The following ME3 variants were observed in gnomAD, a reference collection of about 807,000 sequenced individuals.
The protein encoded by ME3 is malic enzyme 3, also known as NADP-dependent malic enzyme, mitochondrial.
In ME3, 48 loss-of-function variants were observed where a neutral mutation model predicts 68.9. The observed-to-expected ratio is 0.70, with a 90% CI of 0.55 to 0.89. The LOEUF (loss-of-function observed/expected upper bound fraction) is 0.89. Among genes scored for constraint, ME3 ranks in the 40% least tolerant of loss-of-function variants. ME3 has a pLI of 0.00. For synonymous variants in ME3, 320 were observed against 318.8 expected (o/e 1.00, Z -0.04); for missense variants, 675 against 797.4 (o/e 0.85, Z 1.85).
intron 2 of ME3, among the ~76,000 whole-genome samples, chr11:86,590,445 G>A (rs1470307277): frequency 1.3e-5 from 2 of 152,186 alleles, no homozygotes; most frequent in Admixed American, 6.5e-5. Context: ...ATCTCCCTGC[G>A]GGCTGGGAGG....
intron 2 of ME3, among the ~76,000 whole-genome samples, chr11:86,597,646 A>C (rs929835376): frequency 4.6e-5 from 7 of 152,186 alleles, no homozygotes; most frequent in Non-Finnish European, 8.8e-5. Context: ...GCAAGAAAGT[A>C]TATCTTGCTA....
intron 7 of ME3, among the ~76,000 whole-genome samples, chr11:86,479,559 G>A (rs1005886249): frequency 6.6e-6 from 1 of 152,032 alleles, no homozygotes; most frequent in Admixed American, 6.6e-5. Flanking sequence ...CTTTTCCTGT[G>A]TTCTTGCTTT....
intron 2 of ME3, among the ~76,000 whole-genome samples, chr11:86,656,639 C>A (rs1945897549): frequency 6.6e-6 from 1 of 151,454 alleles, no homozygotes; most frequent in South Asian, 2.1e-4. Flanking sequence ...AGGAGATATA[C>A]CTAATGTTAA....
intron 3 of ME3, among the ~76,000 whole-genome samples, chr11:86,559,264 C>A (rs1594443212): frequency 1.3e-5 from 2 of 152,096 alleles, no homozygotes; most frequent in Admixed American, 1.3e-4. Flanking sequence ...CACCACGTCC[C>A]CCTAATTCCA....
chr11:86,457,889 T>A, intron 8 of ME3: 1 of 1,024,106 alleles, frequency 9.8e-7, no homozygotes, highest in South Asian at 1.8e-5. Flanking sequence ...GAAAATGTAG[T>A]TTCTGCTTTT....
intron 5 of ME3, among the ~76,000 whole-genome samples, chr11:86,499,586 G>C (rs1244132444): frequency 1.3e-5 from 2 of 152,186 alleles, no homozygotes; most frequent in Non-Finnish European, 2.9e-5. Flanking sequence ...TACCCAAAGG[G>C]CTACGGGATC....
At chr11:86,536,254 G>C (rs1389115827) in intron 4 of ME3, among the ~76,000 whole-genome samples, 1 of 151,650 alleles carries the variant, frequency 6.6e-6, no homozygotes, top group Non-Finnish European at 1.5e-5. Context: ...AACACCAAAA[G>C]CAATGGCAAC....
intron 5 of ME3, among the ~76,000 whole-genome samples, chr11:86,501,704 C>T (rs980159639): frequency 6.6e-6 from 1 of 152,220 alleles, no homozygotes; most frequent in Admixed American, 6.5e-5. Context: ...CTCTGTTACC[C>T]TGTATCTTCC....
At chr11:86,593,829 T>C (rs1959174133) in intron 2 of ME3, among the ~76,000 whole-genome samples, 1 of 146,814 alleles carries the variant, frequency 6.8e-6, no homozygotes, top group Admixed American at 7.3e-5. Flanking sequence ...CCTAAAATGT[T>C]ATTAAAAAAC....
At chr11:86,531,795 G>C (rs1955253940) in intron 4 of ME3, among the ~76,000 whole-genome samples, 1 of 140,888 alleles carries the variant, frequency 7.1e-6, no homozygotes, top group South Asian at 2.4e-4. Flanking sequence ...ATGGACACAG[G>C]AAGGGGAACA....
chr11:86,608,991 T>C (rs1942361488), intron 2 of ME3, among the ~76,000 whole-genome samples: 1 of 152,252 alleles, frequency 6.6e-6, no homozygotes, highest in Admixed American at 6.5e-5. Flanking sequence ...TCAGGCACTG[T>C]GTAAACACTT....
intron 2 of ME3, among the ~76,000 whole-genome samples, chr11:86,662,623 T>A (rs1946354606): frequency 1.3e-5 from 2 of 152,006 alleles, no homozygotes; most frequent in African/African-American, 4.8e-5. Flanking sequence ...AAAATAAAAT[T>A]TAAAACAGGA....
intron 9 of ME3, 86 bp from the exon 10 acceptor site, chr11:86,450,088 T>C: frequency 8.4e-7 from 1 of 1,187,668 alleles, no homozygotes; most frequent in Non-Finnish European, 1.2e-6. Context: ...AGGACCCCCT[T>C]TTCTTTCCCC....
chr11:86,453,589 T>C (rs978791216), intron 8 of ME3, among the ~76,000 whole-genome samples: 2 of 152,246 alleles, frequency 1.3e-5, no homozygotes, highest in Admixed American at 1.3e-4. Context: ...TAGGACACTT[T>C]GTAAAATTTG....
chr11:86,535,607 C>T (rs1000848125), intron 4 of ME3, among the ~76,000 whole-genome samples: 16 of 152,116 alleles, frequency 1.1e-4, no homozygotes, highest in Non-Finnish European at 1.5e-4. Flanking sequence ...TCTCGCCATC[C>T]TAGCATTTAA....
chr11:86,437,449 G>T (rs1428097178), downstream of ME3, among the ~76,000 whole-genome samples: 1 of 152,024 alleles, frequency 6.6e-6, no homozygotes, highest in Non-Finnish European at 1.5e-5. Context: ...GACTCTTTGA[G>T]ATCCTTTACA....
chr11:86,508,744 A>G, intron 5 of ME3, 48 bp downstream of exon 5: 2 of 1,532,376 alleles, frequency 1.3e-6, no homozygotes, highest in Non-Finnish European at 9.0e-7. Flanking sequence ...TTTAGGCTGA[A>G]ATGATTCACC....
At chr11:86,577,264 A>G (rs1958168334) in intron 2 of ME3, among the ~76,000 whole-genome samples, 1 of 152,234 alleles carries the variant, frequency 6.6e-6, no homozygotes, top group Non-Finnish European at 1.5e-5. Flanking sequence ...AGAAAAGCAA[A>G]GCTGAGGAGG....
chr11:86,498,708 T>G (rs1023276946), intron 5 of ME3, among the ~76,000 whole-genome samples: 1 of 152,320 alleles, frequency 6.6e-6, no homozygotes, highest in East Asian at 1.9e-4. Context: ...TGGCAAAGAA[T>G]TGCTGAGGGC....
Sources: gnomAD v4.1 joint callset for allele counts (sites outside exome capture counted in the v4.1 genomes callset) on GRCh38, gnomAD v4.1.1 for gene constraint, MANE v1.5 for transcripts, NCBI Gene and HGNC (gene_info 2026-07-23, HGNC 2026-07-21) for gene names.